The following GNG10 variants were observed in gnomAD, a reference collection of about 807,000 sequenced individuals.
GNG10 encodes G protein subunit gamma 10.
In GNG10, 7 loss-of-function variants were observed where a neutral mutation model predicts 6.8. The ratio of observed to expected loss-of-function variants is 1.02; its 90% confidence interval spans 0.58 to 1.92. The LOEUF (loss-of-function observed/expected upper bound fraction) is 1.92. GNG10 is among the 30% of genes most tolerant of loss of function. GNG10 has a pLI of 0.00. For synonymous variants in GNG10, 28 were observed against 34.8 expected, an observed-to-expected ratio of 0.80 and a Z score of 0.69; for missense variants, 57 against 86.1, an observed-to-expected ratio of 0.66 and a Z score of 1.34.
chr9:111,663,872 G>C (rs983293605), intron 1 of GNG10, among the ~76,000 whole-genome samples: 4 of 151,470 alleles, frequency 2.6e-5, no homozygotes, highest in Non-Finnish European at 5.9e-5. Context: ...CCAGGTTGGA[G>C]TGCAATGGCA....
rs1352562601 is a variant in GNG10, at chr9:111,661,842, G to A, written c.81+127G>A. On this transcript the variant is annotated intron_variant, in intron 1 of 2. Transcript: ENST00000374293. The surrounding 1 kb of genome is among the most constrained non-coding windows in gnomAD (Gnocchi z 6.1). ...GCGGCGAGGCCTCGGCGGGGCGCGG[G>A]GGCGGTGGGGTCCGCGGTGAGGGAG... 2.7e-6 allele frequency: 1 copy of A among 371,436 alleles called. No homozygotes were observed. The highest frequency in any genetic ancestry group is 4.2e-6 in the Non-Finnish European group (1 of 237,280). The allele number at this position is 371,436 out of a possible 1,614,324, so 23.0% of individuals were successfully genotyped here.
chr9:111,665,893 ATTTT>A (rs571066443), intron 1 of GNG10, among the ~76,000 whole-genome samples: 5 of 121,868 alleles, frequency 4.1e-5, no homozygotes, highest in Non-Finnish European at 5.1e-5. Context: ...CACCCGGTTA[ATTTT>A]TTTTTTTTTT....
Position 111,661,735 on chromosome 9 carries a change from A to G in GNG10, c.81+20A>G. On this transcript the variant is annotated intron_variant, in intron 1 of 2. Coordinates refer to ENST00000374293, the MANE Select transcript of GNG10 (RefSeq NM_001017998.4). This position sits in a 1 kb window ranked among gnomAD's most constrained non-coding sequence, Gnocchi z 6.1. ...ATCAAGGTGCGGGCCCCGGGTACCCACGCTCCGGTCCTTCCGCCCGCGGGG... is the reference window on the plus strand; with the variant it reads ...ATCAAGGTGCGGGCCCCGGGTACCCGCGCTCCGGTCCTTCCGCCCGCGGGG... 7.7e-7 allele frequency: 1 copy of G among 1,303,494 alleles called. No homozygotes were observed. Among genetic ancestry groups the G allele is most frequent in the Non-Finnish European group, 1.0e-6 (1 of 1,000,038 alleles). The allele number at this position is 1,303,494 out of a possible 1,614,324, so 80.7% of individuals were successfully genotyped here.
In GNG10 at chr9:111,665,893, A is replaced by ATTT. The variant is rs571066443; in HGVS notation, c.82-902_82-900dup. Among the ~76,000 whole-genome samples, 368 of 121,854 alleles carry ATTT rather than the reference A, an allele frequency of 3.0e-3. 6 individuals carry two copies. Among genetic ancestry groups the ATTT allele is most frequent in the African/African-American group, 0.011 (351 of 30,778 alleles). The allele number at this position is 121,854 out of a possible 152,430, so 79.9% of individuals were successfully genotyped here. A position where few individuals can be genotyped will look rare whatever the true frequency, so the allele number is the denominator to read the frequency against. On this transcript the variant is annotated intron_variant, in intron 1 of 2. Coordinates refer to ENST00000374293, the MANE Select transcript of GNG10 (RefSeq NM_001017998.4). Reference sequence around the variant, plus strand: ...AGGTGCACGCCACCACACCCGGTTAATTTTTTTTTTTTTTTTTTTTTTAGT... The same window carrying ATTT: ...AGGTGCACGCCACCACACCCGGTTAATTTTTTTTTTTTTTTTTTTTTTTTTAGT...
At chr9:111,665,849 C>T (rs1830887804) in intron 1 of GNG10, among the ~76,000 whole-genome samples, 1 of 151,628 alleles carries the variant, frequency 6.6e-6, no homozygotes, top group African/African-American at 2.4e-5. Flanking sequence ...GCCTCAACCT[C>T]CTGAGTAGCT....
chr9:111,668,002 G>A (rs373521804), intron 2 of GNG10, among the ~76,000 whole-genome samples: 2 of 152,090 alleles, frequency 1.3e-5, no homozygotes, highest in Non-Finnish European at 2.9e-5. Flanking sequence ...GATTACAGGC[G>A]CATGCCACCA....
At chr9:111,664,135 G>A (rs911768049) in intron 1 of GNG10, among the ~76,000 whole-genome samples, 11 of 152,020 alleles carry the variant, frequency 7.2e-5, no homozygotes, top group Non-Finnish European at 1.3e-4. Flanking sequence ...GCACCTGGCC[G>A]GAAAGATGTG....
chr9:111,661,739 T>TCCG lies in GNG10; in HGVS notation c.81+25_81+27dup. On this transcript the variant is annotated intron_variant, in intron 1 of 2. Coordinates refer to ENST00000374293, the MANE Select transcript of GNG10 (RefSeq NM_001017998.4). The surrounding 1 kb of genome is among the most constrained non-coding windows in gnomAD (Gnocchi z 6.1). ...AGGTGCGGGCCCCGGGTACCCACGC[T>TCCG]CCGGTCCTTCCGCCCGCGGGGCGTG... 7.9e-7 allele frequency: 1 copy of TCCG among 1,267,434 alleles called. No individual in the cohort carries two copies. Among genetic ancestry groups the TCCG allele is most frequent in the East Asian group, 3.8e-5 (1 of 26,158 alleles). 78.5% of individuals were successfully genotyped at this position (1,267,434 alleles called of 1,614,324 possible).
intron 2 of GNG10, among the ~76,000 whole-genome samples, chr9:111,668,745 G>A (rs10124120): frequency 0.43 from 65,686 of 151,792 alleles, 15,821 homozygotes; most frequent in African/African-American, 0.66. Context: ...TCGGCCTCCC[G>A]AAGTGCTGGG....
chr9:111,665,830 G>C (rs1830887247), intron 1 of GNG10, among the ~76,000 whole-genome samples: 1 of 151,390 alleles, frequency 6.6e-6, no homozygotes. Context: ...GGGTTCAAGC[G>C]ATTCTCCTGC....
intron 1 of GNG10, among the ~76,000 whole-genome samples, chr9:111,664,066 C>A (rs1027698580): frequency 6.6e-6 from 1 of 151,522 alleles, no homozygotes; most frequent in Non-Finnish European, 1.5e-5. Flanking sequence ...ATCTCCTGAC[C>A]TCAGGTGATC....
At chr9:111,664,315 TAG>T (rs1000298525) in intron 1 of GNG10, among the ~76,000 whole-genome samples, 1 of 152,168 alleles carries the variant, frequency 6.6e-6, no homozygotes, top group Non-Finnish European at 1.5e-5. Flanking sequence ...GACAATACCT[TAG>T]AGAGTCACAA....
chr9:111,668,428 T>TCCCTCCCCTCCCCTCCCCTCCCCTC (rs35251271), intron 2 of GNG10, among the ~76,000 whole-genome samples: 1 of 119,452 alleles, frequency 8.4e-6, no homozygotes. Context: ...GCTTCCTTCT[T>TCCCTCCCCTCCCCTCCCCTCCCCTC]CCCTCCCCTC....
chr9:111,668,163 T>G (rs1830936445), intron 2 of GNG10, among the ~76,000 whole-genome samples: 1 of 151,998 alleles, frequency 6.6e-6, no homozygotes, highest in Non-Finnish European at 1.5e-5. Flanking sequence ...GACACAATGT[T>G]TTTTTAAGAG....
chr9:111,668,259 A>G (rs1488144711), intron 2 of GNG10, among the ~76,000 whole-genome samples: 2 of 152,180 alleles, frequency 1.3e-5, no homozygotes, highest in Non-Finnish European at 2.9e-5. Context: ...GTGAGTAATT[A>G]TCTTAGGTCC....
In GNG10 at chr9:111,661,632, G is replaced by T. The variant is rs1830818288; in HGVS notation, c.-3G>T. On this transcript the variant is annotated 5_prime_UTR_variant, in exon 1 of 3. Transcript: ENST00000374293. This position sits in a 1 kb window ranked among gnomAD's most constrained non-coding sequence, Gnocchi z 6.1. The stretch of plus-strand genomic sequence containing the variant: ...CAGCCCCTAGGAGCCCAGCGCCGCC[G>T]CCATGTCCTCCGGGGCTAGCGCGAG... The T allele has an allele frequency of 1.5e-6, 2 of 1,326,786 alleles. No homozygotes were observed. Among genetic ancestry groups the T allele is most frequent in the Non-Finnish European group, 9.8e-7 (1 of 1,017,312 alleles). The allele number at this position is 1,326,786 out of a possible 1,614,324, so 82.2% of individuals were successfully genotyped here. A position where few individuals can be genotyped will look rare whatever the true frequency, so the allele number is the denominator to read the frequency against.
chr9:111,663,877 A>G (rs1830861118), intron 1 of GNG10, among the ~76,000 whole-genome samples: 1 of 151,454 alleles, frequency 6.6e-6, no homozygotes, highest in Non-Finnish European at 1.5e-5. Context: ...TTGGAGTGCA[A>G]TGGCATGATC....
intron 1 of GNG10, among the ~76,000 whole-genome samples, chr9:111,663,819 T>C (rs911428687): frequency 8.2e-6 from 1 of 121,890 alleles, no homozygotes; most frequent in Admixed American, 8.8e-5. Flanking sequence ...AGGAAAGATA[T>C]TCTTTTTTTT....
chr9:111,669,217 AT>A (rs1339100480), intron 2 of GNG10, 51 bp from the exon 3 acceptor site: 2 of 152,214 alleles, frequency 1.3e-5, no homozygotes, highest in Non-Finnish European at 2.9e-5. Flanking sequence ...TGACTAGTTA[AT>A]TTTATAAAGA....
Sources: allele counts gnomAD v4.1 joint callset (sites outside exome capture counted in the v4.1 genomes callset), GRCh38; gene constraint gnomAD v4.1.1; non-coding constraint Gnocchi (gnomAD v3.1); transcripts MANE v1.5; gene names NCBI Gene and HGNC (gene_info 2026-07-23, HGNC 2026-07-21).